The following SPRY3 variants were observed in gnomAD, a reference collection of about 807,000 sequenced individuals.
SPRY3 encodes the protein protein sprouty homolog 3.
SPRY3 carries 15 observed loss-of-function variants against 20.2 expected under a neutral mutation model. That is an observed-to-expected ratio of 0.74 (90% CI 0.50 to 1.14). The LOEUF (loss-of-function observed/expected upper bound fraction) is 1.14, where lower values mean the gene tolerates loss of function less well. Ranked by LOEUF, SPRY3 falls within the 50% of genes most tolerant of loss-of-function variation. The pLI is 0.00. For synonymous variants in SPRY3, 143 were observed against 136.5 expected (o/e 1.05, Z -0.33); for missense variants, 364 against 363.9 (o/e 1.00, Z 0.00).
At chrX:155,727,632 A>G (rs1351451879) in intron 2 of SPRY3, among the ~76,000 whole-genome samples, 2 of 152,012 alleles carry the variant, frequency 1.3e-5, no homozygotes, top group Non-Finnish European at 1.5e-5. Flanking sequence ...TTCTCGTGCC[A>G]TGGTTTTCAG....
chrX:155,725,317 A>T (rs952905370), intron 2 of SPRY3, among the ~76,000 whole-genome samples: 2 of 152,144 alleles, frequency 1.3e-5, no homozygotes, highest in Non-Finnish European at 2.9e-5. Context: ...TGGTATCAGG[A>T]TGATGCTGAC....
exon 4 of SPRY3, chrX:155,773,994 C>T: frequency 1.2e-6 from 2 of 1,613,956 alleles, no homozygotes; most frequent in Non-Finnish European, 8.5e-7. Flanking sequence ...CCCTCTCCAG[C>T]CCTTCCCTTA....
Position 155,767,800 on chromosome X carries a change from T to A in SPRY3, c.-281-162T>A, listed in dbSNP as rs778577459. 2.8e-5 allele frequency: 4 copies of A among 141,558 alleles called. No homozygotes were observed. In the East Asian group the frequency reaches 8.0e-4, roughly 28 times the overall value. 8.8% of individuals were successfully genotyped at this position (141,558 alleles called of 1,614,324 possible). A position where few individuals can be genotyped will look rare whatever the true frequency, so the allele number is the denominator to read the frequency against. On this transcript the variant is annotated intron_variant, in intron 2 of 3. Transcript: ENST00000675360. ...AGAGGAGGAGGTGAACAACTTACCC[T>A]GCTGAGCTTTCTTTGGGAAATACGT...
intron 1 of SPRY3, among the ~76,000 whole-genome samples, chrX:155,648,334 T>C (rs2067964545): frequency 8.9e-6 from 1 of 112,935 alleles, no homozygotes; most frequent in Non-Finnish European, 1.9e-5. Flanking sequence ...TTGGCTTTTG[T>C]TACCGTTGCT....
intron 1 of SPRY3, among the ~76,000 whole-genome samples, chrX:155,614,890 A>C (rs1295823218): frequency 9.0e-6 from 1 of 111,609 alleles, no homozygotes; most frequent in Non-Finnish European, 1.9e-5. Flanking sequence ...ATAGAAAAAA[A>C]CAATAGTATC....
At chrX:155,658,136 G>A (rs192686166) in intron 2 of SPRY3, among the ~76,000 whole-genome samples, 1 of 111,900 alleles carries the variant, frequency 8.9e-6, no homozygotes, top group African/African-American at 3.2e-5. Flanking sequence ...GATACTTTCA[G>A]CTTGGTTCTT....
intron 1 of SPRY3, among the ~76,000 whole-genome samples, chrX:155,652,156 T>C (rs1031873508): frequency 1.8e-5 from 2 of 111,428 alleles, no homozygotes; most frequent in Admixed American, 9.5e-5. Context: ...AATCTCCCAC[T>C]AGGCCCCTCC....
At chrX:155,763,265 T>A (rs1458352690) in intron 2 of SPRY3, among the ~76,000 whole-genome samples, 1 of 152,114 alleles carries the variant, frequency 6.6e-6, no homozygotes. Context: ...TCTAATATCA[T>A]ATATTTATTC....
At chrX:155,754,594 G>T (rs2091276631) in intron 2 of SPRY3, among the ~76,000 whole-genome samples, 1 of 151,834 alleles carries the variant, frequency 6.6e-6, no homozygotes, top group Admixed American at 6.6e-5. Flanking sequence ...ATTTCCATAT[G>T]AATTTTAGGG....
intron 2 of SPRY3, among the ~76,000 whole-genome samples, chrX:155,735,707 T>G (rs764130866): frequency 6.6e-6 from 1 of 152,164 alleles, no homozygotes; most frequent in South Asian, 2.1e-4. Flanking sequence ...GTCTTTATAT[T>G]TAAATTGGAT....
chrX:155,671,416 G>A (rs2068040200), intron 2 of SPRY3, among the ~76,000 whole-genome samples: 1 of 110,696 alleles, frequency 9.0e-6, no homozygotes, highest in Non-Finnish European at 1.9e-5. Flanking sequence ...TGGTATTTGG[G>A]TTTGGTGAGG....
chrX:155,747,727 C>G (rs2091235282), intron 2 of SPRY3, among the ~76,000 whole-genome samples: 1 of 151,884 alleles, frequency 6.6e-6, no homozygotes, highest in African/African-American at 2.4e-5. Flanking sequence ...GCTTAAAGGC[C>G]AACTCTGAGG....
At chrX:155,748,282 A>G (rs779076649) in intron 2 of SPRY3, among the ~76,000 whole-genome samples, 1 of 151,994 alleles carries the variant, frequency 6.6e-6, no homozygotes, top group African/African-American at 2.4e-5. Context: ...TTTATAAACC[A>G]TGTTTAAAGT....
At chrX:155,743,668 G>A (rs1006803825) in intron 2 of SPRY3, among the ~76,000 whole-genome samples, 1 of 152,024 alleles carries the variant, frequency 6.6e-6, no homozygotes, top group African/African-American at 2.4e-5. Flanking sequence ...ATTTTGGGGG[G>A]TAAATTTTAA....
chrX:155,654,386 A>G (rs1036364423), intron 1 of SPRY3, among the ~76,000 whole-genome samples: 1 of 111,625 alleles, frequency 9.0e-6, no homozygotes, highest in Non-Finnish European at 1.9e-5. Flanking sequence ...GATATATTAC[A>G]TAATGATAAA....
chrX:155,750,708 T>C (rs751507912), intron 2 of SPRY3, among the ~76,000 whole-genome samples: 2 of 151,886 alleles, frequency 1.3e-5, no homozygotes, highest in South Asian at 4.2e-4. Flanking sequence ...AATGGAGTAC[T>C]AGATTTTGGA....
downstream of SPRY3, chrX:155,780,301 C>G (rs1384162397): frequency 6.0e-6 from 1 of 166,966 alleles, no homozygotes; most frequent in African/African-American, 2.4e-5. Flanking sequence ...AACTAAACTG[C>G]TGAACACAGA....
chrX:155,733,478 T>C (rs1166024265), intron 2 of SPRY3, among the ~76,000 whole-genome samples: 1 of 151,674 alleles, frequency 6.6e-6, no homozygotes, highest in African/African-American at 2.4e-5. Flanking sequence ...AAAAAAAACA[T>C]ACTGGTAACA....
At chrX:155,690,891 A>G (rs935358863) in intron 2 of SPRY3, among the ~76,000 whole-genome samples, 2 of 87,671 alleles carry the variant, frequency 2.3e-5, no homozygotes, top group Non-Finnish European at 4.3e-5. Flanking sequence ...TTCTGGATAT[A>G]CCTTTATCAA....
Sources: allele counts gnomAD v4.1 joint callset (sites outside exome capture counted in the v4.1 genomes callset), GRCh38; gene constraint gnomAD v4.1.1; transcripts MANE v1.5; gene names NCBI Gene and HGNC (gene_info 2026-07-23, HGNC 2026-07-21).